MBNL2: variants seen among roughly 807,000 people sequenced by gnomAD.
The protein encoded by MBNL2 is muscleblind-like protein 2.
Under a neutral mutation model 41.9 loss-of-function variants are expected in MBNL2, and 17 were observed. The ratio of observed to expected loss-of-function variants is 0.41; its 90% confidence interval spans 0.28 to 0.61. The LOEUF (loss-of-function observed/expected upper bound fraction) is 0.61, where lower values mean the gene tolerates loss of function less well. MBNL2 is among the 20% of genes least tolerant of loss of function. The probability of loss-of-function intolerance (pLI) is 0.35; values close to 1 mark genes in which losing one functional copy is unlikely to be tolerated. For synonymous variants in MBNL2, 195 were observed against 182.9 expected (o/e 1.07, Z -0.53); for missense variants, 336 against 505.6 (o/e 0.66, Z 3.22).
At chr13:97,317,525 A>G (rs1453930941) in intron 2 of MBNL2, among the ~76,000 whole-genome samples, 2 of 152,206 alleles carry the variant, frequency 1.3e-5, no homozygotes, top group South Asian at 2.1e-4. Context: ...ATATGTGCCT[A>G]AAGTATGCAT....
the MBNL2 span, among the ~76,000 whole-genome samples, chr13:97,159,262 C>T: frequency 6.6e-6 from 1 of 151,578 alleles, no homozygotes; most frequent in Non-Finnish European, 1.5e-5. Flanking sequence ...GATCTTCCTC[C>T]ATCCTTTTAT....
chr13:97,216,428 A>G, the MBNL2 span, among the ~76,000 whole-genome samples: 1 of 152,230 alleles, frequency 6.6e-6, no homozygotes, highest in Admixed American at 6.5e-5. Context: ...AGCAGTACAT[A>G]CTAAAGGACA....
intron 1 of MBNL2, among the ~76,000 whole-genome samples, chr13:97,234,113 C>A (rs1159023206): frequency 3.9e-5 from 6 of 152,210 alleles, no homozygotes; most frequent in African/African-American, 1.4e-4. Flanking sequence ...TCTTTATTGA[C>A]CGGACAATCA....
the MBNL2 span, among the ~76,000 whole-genome samples, chr13:97,205,165 T>C: frequency 6.8e-6 from 1 of 146,632 alleles, no homozygotes; most frequent in African/African-American, 2.5e-5. Context: ...AGTGAGACTC[T>C]GTCTCAAAAA....
chr13:97,153,331 G>A, the MBNL2 span, among the ~76,000 whole-genome samples: 1 of 152,076 alleles, frequency 6.6e-6, no homozygotes, highest in African/African-American at 2.4e-5. Context: ...GTGTGTGTGT[G>A]TGTGTGTATT....
intron 8 of MBNL2, among the ~76,000 whole-genome samples, chr13:97,369,793 T>G (rs1376364023): frequency 1.3e-5 from 2 of 152,192 alleles, no homozygotes; most frequent in Non-Finnish European, 2.9e-5. Flanking sequence ...GGTTTGAGAT[T>G]AAATAAAGAC....
At chr13:97,207,716 T>C in the MBNL2 span, among the ~76,000 whole-genome samples, 1 of 152,216 alleles carries the variant, frequency 6.6e-6, no homozygotes, top group African/African-American at 2.4e-5. Context: ...AAAGAAATCA[T>C]GCCTTCCCAA....
the MBNL2 span, among the ~76,000 whole-genome samples, chr13:97,210,834 A>G: frequency 3.3e-5 from 5 of 151,812 alleles, no homozygotes; most frequent in Non-Finnish European, 7.4e-5. Context: ...TTTAAATGTT[A>G]TTTGCTGTGA....
At chr13:97,376,374 C>A (rs904921533) in intron 8 of MBNL2, among the ~76,000 whole-genome samples, 5 of 152,092 alleles carry the variant, frequency 3.3e-5, no homozygotes, top group East Asian at 1.9e-4. Flanking sequence ...CATCTATACC[C>A]CTTCATTTTG....
the MBNL2 span, among the ~76,000 whole-genome samples, chr13:97,208,653 T>A: frequency 0.097 from 14,720 of 152,152 alleles, 1,429 homozygotes; most frequent in African/African-American, 0.25. Context: ...ATGACAAAAC[T>A]AGGAAAGAGC....
chr13:97,223,739 C>T (rs189874717), intron 1 of MBNL2, among the ~76,000 whole-genome samples: 1 of 152,212 alleles, frequency 6.6e-6, no homozygotes, highest in East Asian at 1.9e-4. Flanking sequence ...GAAGTTTCTT[C>T]AGCTATCCTA....
At chr13:97,224,051 C>T (rs2041212658) in intron 1 of MBNL2, among the ~76,000 whole-genome samples, 1 of 152,368 alleles carries the variant, frequency 6.6e-6, no homozygotes, top group South Asian at 2.1e-4. Flanking sequence ...AGGGCATCTT[C>T]TTGTACCTGC....
At chr13:97,368,045 G>A (rs2064006122) in intron 8 of MBNL2, among the ~76,000 whole-genome samples, 1 of 152,142 alleles carries the variant, frequency 6.6e-6, no homozygotes, top group African/African-American at 2.4e-5. Context: ...TTTCAAGTCT[G>A]AAGTCCTGCC....
At position 97,393,731 on chromosome 13, in the gene MBNL2, G is replaced by T. The variant is rs1202327574; in HGVS notation, c.*2282G>T. The T allele has an allele frequency of 1.3e-5, 2 of 152,390 alleles. No homozygotes were observed. The highest frequency in any genetic ancestry group is 2.9e-5 in the Non-Finnish European group (2 of 67,928). The allele number at this position is 152,390 out of a possible 1,614,324, so 9.4% of individuals were successfully genotyped here. A position where few individuals can be genotyped will look rare whatever the true frequency, so the allele number is the denominator to read the frequency against. ...CTATTTTTCTGTATAAATATTATTT[G>T]CCAAAAGTTTGTTTATATTCAGAAG... On this transcript the variant is annotated 3_prime_UTR_variant, in exon 9 of 9. Transcript: ENST00000679496.
chr13:97,187,593 T>TAAAAAAAAAAAAAA, the MBNL2 span, among the ~76,000 whole-genome samples: 2 of 51,492 alleles, frequency 3.9e-5, no homozygotes, highest in African/African-American at 7.4e-5. Context: ...CTATGCAGCT[T>TAAAAAAAAAAAAAA]AAAAAAAAAA....
intron 2 of MBNL2, among the ~76,000 whole-genome samples, chr13:97,280,129 A>C (rs2053055960): frequency 6.6e-6 from 1 of 152,220 alleles, no homozygotes; most frequent in African/African-American, 2.4e-5. Context: ...CTTGGAGCAG[A>C]GGCCTTGACC....
the MBNL2 span, among the ~76,000 whole-genome samples, chr13:97,163,366 G>A: frequency 1.4e-4 from 22 of 152,294 alleles, no homozygotes; most frequent in African/African-American, 4.8e-4. Context: ...CCCTGTGGAA[G>A]CCTGAGAGGG....
chr13:97,383,602 A>G (rs932953897), intron 8 of MBNL2, among the ~76,000 whole-genome samples: 1 of 152,196 alleles, frequency 6.6e-6, no homozygotes, highest in African/African-American at 2.4e-5. Flanking sequence ...TCTACTAAAC[A>G]GCAGAGGACA....
At chr13:97,153,955 G>C in the MBNL2 span, among the ~76,000 whole-genome samples, 1 of 152,146 alleles carries the variant, frequency 6.6e-6, no homozygotes, top group Non-Finnish European at 1.5e-5. Flanking sequence ...CCAATGATGA[G>C]TTTCTAAGTC....
Sources: gnomAD v4.1 joint callset for allele counts (sites outside exome capture counted in the v4.1 genomes callset) on GRCh38, gnomAD v4.1.1 for gene constraint, MANE v1.5 for transcripts, NCBI Gene and HGNC (gene_info 2026-07-23, HGNC 2026-07-21) for gene names.